Variants in SHROOM3 observed in about 807,000 individuals in gnomAD.
SHROOM3 encodes the protein shroom family member 3, also known as protein Shroom3.
SHROOM3 carries 47 observed loss-of-function variants against 138.6 expected under a neutral mutation model. That is an observed-to-expected ratio of 0.34 (90% CI 0.27 to 0.43). The LOEUF is 0.43. SHROOM3 is among the 20% of genes least tolerant of loss of function. The pLI, the probability that SHROOM3 is intolerant of heterozygous loss-of-function variation, is 1.00. For missense variants in SHROOM3, 2,491 were observed against 2,596.5 expected (o/e 0.96, Z 0.88); for synonymous variants, 1,062 against 1,063.3 (o/e 1.00, Z 0.02).
chr4:76,723,997 T>C (rs1232935389), intron 3 of SHROOM3, among the ~76,000 whole-genome samples: 1 of 152,228 alleles, frequency 6.6e-6, no homozygotes, highest in Non-Finnish European at 1.5e-5. Flanking sequence ...TGAAGGCACA[T>C]AGGTGATTAG....
chr4:76,563,272 T>G (rs767444363), intron 2 of SHROOM3, among the ~76,000 whole-genome samples: 1 of 152,248 alleles, frequency 6.6e-6, no homozygotes, highest in Non-Finnish European at 1.5e-5. Context: ...CTGATTTGAC[T>G]CATTTTTGTA....
intron 2 of SHROOM3, among the ~76,000 whole-genome samples, chr4:76,566,811 C>G (rs1733734083): frequency 6.6e-6 from 1 of 152,202 alleles, no homozygotes; most frequent in Non-Finnish European, 1.5e-5. Flanking sequence ...ATGGCTACCT[C>G]AAATATGTAT....
chr4:76,481,989 T>C (rs1226980446), intron 1 of SHROOM3, among the ~76,000 whole-genome samples: 5 of 152,182 alleles, frequency 3.3e-5, no homozygotes, highest in South Asian at 2.1e-4. Flanking sequence ...AAACTAGGTA[T>C]TGATGGAACA....
intron 1 of SHROOM3, among the ~76,000 whole-genome samples, chr4:76,524,101 T>C (rs918703251): frequency 2.0e-5 from 3 of 151,650 alleles, no homozygotes; most frequent in Non-Finnish European, 2.9e-5. Context: ...AGAAAGAGAG[T>C]GCAATAGTTA....
At chr4:76,753,958 G>A (rs1170931568) in intron 6 of SHROOM3, among the ~76,000 whole-genome samples, 1 of 152,174 alleles carries the variant, frequency 6.6e-6, no homozygotes, top group African/African-American at 2.4e-5. Context: ...TCCTAAAAGG[G>A]GCTGAAGAAA....
intron 3 of SHROOM3, 38 bp downstream of exon 3, chr4:76,710,325 A>G (rs1474278209): frequency 6.2e-7 from 1 of 1,612,506 alleles, no homozygotes; most frequent in Non-Finnish European, 8.5e-7. Flanking sequence ...AGTTCGGAAA[A>G]AGAACCCAGT....
At chr4:76,560,204 G>A (rs11097415) in intron 2 of SHROOM3, among the ~76,000 whole-genome samples, 96,169 of 151,904 alleles carry the variant, frequency 0.63, 30,730 homozygotes, top group Middle Eastern at 0.75. Flanking sequence ...CCAGGGATCG[G>A]GTAACCTTTA....
At chr4:76,650,323 CAT>C (rs1358065960) in intron 2 of SHROOM3, among the ~76,000 whole-genome samples, 4 of 152,078 alleles carry the variant, frequency 2.6e-5, no homozygotes, top group Non-Finnish European at 4.4e-5. Flanking sequence ...AGGGAACCCT[CAT>C]ACACTGTTAA....
intron 2 of SHROOM3, among the ~76,000 whole-genome samples, chr4:76,575,086 G>A (rs1385717530): frequency 6.6e-6 from 1 of 152,190 alleles, no homozygotes; most frequent in African/African-American, 2.4e-5. Flanking sequence ...TCAATAGAAT[G>A]AAGAACAAAA....
chr4:76,719,785 T>G (rs1720480111), intron 3 of SHROOM3, among the ~76,000 whole-genome samples: 1 of 152,138 alleles, frequency 6.6e-6, no homozygotes, highest in African/African-American at 2.4e-5. Context: ...AAAAACTGTT[T>G]CAGAATGGAG....
intron 2 of SHROOM3, among the ~76,000 whole-genome samples, chr4:76,565,160 C>CA (rs1166896258): frequency 0.018 from 2,423 of 135,226 alleles, 39 homozygotes; most frequent in South Asian, 0.028. Flanking sequence ...GACTCCATTT[C>CA]AAAAAAAAAA....
chr4:76,736,214 G>A (rs1721067612), intron 4 of SHROOM3, among the ~76,000 whole-genome samples: 1 of 152,028 alleles, frequency 6.6e-6, no homozygotes, highest in South Asian at 2.1e-4. Context: ...TATTTAGAGG[G>A]GAATGAAGAA....
chr4:76,567,618 C>G (rs1335926028), intron 2 of SHROOM3, among the ~76,000 whole-genome samples: 1 of 152,036 alleles, frequency 6.6e-6, no homozygotes, highest in African/African-American at 2.4e-5. Context: ...CCACTGCACT[C>G]CAGCCTGGGC....
rs953236446 is a variant in SHROOM3, at chr4:76,435,790, A to G, written c.-263A>G. On this transcript the variant is annotated 5_prime_UTR_variant, in exon 1 of 11. It adds an upstream start codon to the 5' untranslated region. Transcript: ENST00000296043. ...TTTGACGAACGGAGTAGAGATGTAT[A>G]CCACTTGGGGGCTTCAGTGAGAACC... is the stretch of plus-strand genomic sequence containing the variant. The G allele has an allele frequency of 1.6e-5, 7 of 440,074 alleles. No homozygotes were observed. The highest frequency in any genetic ancestry group is 1.2e-4 in the African/African-American group (6 of 50,724). The allele number at this position is 440,074 out of a possible 1,614,324, so 27.3% of individuals were successfully genotyped here.
chr4:76,459,310 A>T (rs1731093761), intron 1 of SHROOM3, among the ~76,000 whole-genome samples: 2 of 152,178 alleles, frequency 1.3e-5, no homozygotes, highest in Admixed American at 1.3e-4. Flanking sequence ...TTTTAACGCT[A>T]GGTTTTTCAA....
intron 8 of SHROOM3, chr4:76,758,635 C>T (rs1560618328): frequency 6.6e-6 from 1 of 152,026 alleles, no homozygotes; most frequent in Non-Finnish European, 1.5e-5. Context: ...AAATCTTTTC[C>T]CTGTCTTTCA....
chr4:76,458,001 G>C (rs927314477), intron 1 of SHROOM3, among the ~76,000 whole-genome samples: 4 of 151,544 alleles, frequency 2.6e-5, no homozygotes, highest in African/African-American at 9.7e-5. Context: ...TCATGTGTTA[G>C]CCAGGATGGT....
chr4:76,524,954 A>G (rs1013007578), intron 1 of SHROOM3, among the ~76,000 whole-genome samples: 4 of 152,222 alleles, frequency 2.6e-5, no homozygotes, highest in African/African-American at 9.7e-5. Context: ...TTTCTGGAAT[A>G]AATGCCCAGA....
At chr4:76,515,703 G>T (rs903094394) in intron 1 of SHROOM3, among the ~76,000 whole-genome samples, 2 of 152,086 alleles carry the variant, frequency 1.3e-5, no homozygotes, top group Non-Finnish European at 2.9e-5. Flanking sequence ...ACCAGAGTTG[G>T]ATTTTACGTC....
Sources: gnomAD v4.1 joint callset for allele counts (sites outside exome capture counted in the v4.1 genomes callset) on GRCh38, gnomAD v4.1.1 for gene constraint, MANE v1.5 for transcripts, NCBI Gene and HGNC (gene_info 2026-07-23, HGNC 2026-07-21) for gene names.